Variants in CSMD2 observed in about 807,000 individuals in gnomAD.
The protein encoded by CSMD2 is CUB and sushi domain-containing protein 2.
Under a neutral mutation model 398.5 loss-of-function variants are expected in CSMD2, and 130 were observed. The observed-to-expected ratio is 0.33, with a 90% confidence interval of 0.28 to 0.38. The LOEUF is 0.38. CSMD2 is among the 10% of genes least tolerant of loss of function. The pLI, the probability that CSMD2 is intolerant of heterozygous loss-of-function variation, is 1.00. For synonymous variants in CSMD2, 1,828 were observed against 1,908.5 expected, an observed-to-expected ratio of 0.96 and a Z score of 1.10; for missense variants, 3,829 against 4,764.9, an observed-to-expected ratio of 0.80 and a Z score of 5.78.
intron 10 of CSMD2, among the ~76,000 whole-genome samples, chr1:33,810,163 A>C (rs902140418): frequency 1.3e-5 from 2 of 152,172 alleles, no homozygotes; most frequent in African/African-American, 4.8e-5. Context: ...CATACTTGTA[A>C]AATTTATAAG....
intron 1 of CSMD2, among the ~76,000 whole-genome samples, chr1:34,125,416 TGG>T: frequency 6.6e-6 from 1 of 152,312 alleles, no homozygotes. Flanking sequence ...CTCCTTCATT[TGG>T]ACGGCAGGTA....
intron 1 of CSMD2, among the ~76,000 whole-genome samples, chr1:34,091,436 T>C (rs1023382029): frequency 1.3e-5 from 2 of 152,114 alleles, no homozygotes; most frequent in Non-Finnish European, 2.9e-5. Flanking sequence ...CAGAAAGAAA[T>C]TAAGTAATGG....
At chr1:34,125,178 C>T (rs1662608507) in intron 1 of CSMD2, among the ~76,000 whole-genome samples, 1 of 152,120 alleles carries the variant, frequency 6.6e-6, no homozygotes, top group South Asian at 2.1e-4. Flanking sequence ...GTAACATCTG[C>T]ATTGGGTCTT....
chr1:33,950,423 G>GAGAGAGAGAGAGAGAGAGAGA (rs1553260577), intron 3 of CSMD2, among the ~76,000 whole-genome samples: 1 of 143,314 alleles, frequency 7.0e-6, no homozygotes, highest in African/African-American at 2.6e-5. Flanking sequence ...GAGAGAGAGA[G>GAGAGAGAGAGAGAGAGAGAGA]GAGAGTTTGT....
chr1:33,617,461 G>T, intron 38 of CSMD2, 38 bp downstream of exon 38: 1 of 1,502,422 alleles, frequency 6.7e-7, no homozygotes, highest in Non-Finnish European at 9.3e-7. Context: ...CATCTCAGGG[G>T]ACACCTGTTT....
chr1:34,045,918 AT>A (rs1174945897), intron 2 of CSMD2, among the ~76,000 whole-genome samples: 1 of 152,252 alleles, frequency 6.6e-6, no homozygotes, highest in African/African-American at 2.4e-5. Flanking sequence ...CCTGAAAAAA[AT>A]AAGTAATTTT....
chr1:34,048,587 A>T (rs1259679750), intron 2 of CSMD2, among the ~76,000 whole-genome samples: 1 of 152,200 alleles, frequency 6.6e-6, no homozygotes, highest in Non-Finnish European at 1.5e-5. Context: ...GATGCTGAAC[A>T]TGCCTGCAAG....
chr1:33,537,559 G>T lies in CSMD2; in HGVS notation c.9682C>A (p.Arg3228=). 6.2e-7 allele frequency: 1 copy of T among 1,614,150 alleles called. No individual in the cohort carries two copies. Among genetic ancestry groups the T allele is most frequent in the South Asian group, 1.1e-5 (1 of 91,082 alleles). Residue 3228 remains arginine, a synonymous_variant, in exon 61 of 71, where the codon CGA becomes AGA. Coordinates refer to ENST00000373381, the MANE Select transcript of CSMD2 (RefSeq NM_001281956.2). This position sits in a 1 kb window ranked among gnomAD's most constrained non-coding sequence, Gnocchi z 4.6. Reference sequence around the variant, plus strand: ...ACAGATGACCTGTAGGAGAAGCCTCGGTCCTCTCTCCTCCCACGGGACGGG... The same window carrying T: ...ACAGATGACCTGTAGGAGAAGCCTCTGTCCTCTCTCCTCCCACGGGACGGG... ...GVPSRGRRED[R]GFSYRSSVSF...
At chr1:33,723,090 T>C (rs1423209777) in intron 19 of CSMD2, among the ~76,000 whole-genome samples, 1 of 152,240 alleles carries the variant, frequency 6.6e-6, no homozygotes, top group African/African-American at 2.4e-5. Flanking sequence ...TTCTGGACAA[T>C]TATTCTCCAC....
At chr1:33,626,680 T>G in intron 32 of CSMD2, 99 bp from the exon 33 acceptor site, 1 of 727,162 alleles carries the variant, frequency 1.4e-6, no homozygotes, top group Non-Finnish European at 2.2e-6. Context: ...CAGTACCCCA[T>G]GCAGCAATTC....
At chr1:33,864,215 G>A (rs763838936) in intron 5 of CSMD2, 2 of 1,608,150 alleles carry the variant, frequency 1.2e-6, no homozygotes, top group South Asian at 2.2e-5. Context: ...TCCAGCTAAA[G>A]CCTAAGGCAA....
At chr1:33,945,180 T>C (rs1033078198) in intron 3 of CSMD2, among the ~76,000 whole-genome samples, 1 of 152,086 alleles carries the variant, frequency 6.6e-6, no homozygotes, top group African/African-American at 2.4e-5. Context: ...GGAAACATCA[T>C]AGGCCCCAGA....
intron 5 of CSMD2, among the ~76,000 whole-genome samples, chr1:33,895,338 A>T (rs965555031): frequency 6.6e-6 from 1 of 152,018 alleles, no homozygotes; most frequent in Non-Finnish European, 1.5e-5. Context: ...CCTGGTGGGA[A>T]TGCCTGCAGG....
chr1:33,835,686 A>C (rs1459104876), intron 6 of CSMD2, among the ~76,000 whole-genome samples: 1 of 20,994 alleles, frequency 4.8e-5, no homozygotes, highest in Non-Finnish European at 1.4e-4. Context: ...AACAAAACAA[A>C]ACAAAAAAAA....
At chr1:34,148,058 G>T (rs1367727566) in intron 1 of CSMD2, among the ~76,000 whole-genome samples, 1 of 152,166 alleles carries the variant, frequency 6.6e-6, no homozygotes, top group Non-Finnish European at 1.5e-5. Context: ...GAGAGGCACA[G>T]CATTGGGTAA....
intron 2 of CSMD2, among the ~76,000 whole-genome samples, chr1:34,043,809 G>A (rs1331265931): frequency 6.6e-6 from 1 of 152,132 alleles, no homozygotes; most frequent in Non-Finnish European, 1.5e-5. Context: ...TTTCCACCTG[G>A]GAGCCTAGAA....
chr1:33,964,063 C>T (rs1038180571), intron 3 of CSMD2, among the ~76,000 whole-genome samples: 35 of 152,280 alleles, frequency 2.3e-4, no homozygotes, highest in African/African-American at 7.5e-4. Context: ...CCTGAGGGTG[C>T]AGATTTTTAA....
rs185637797 is a variant in CSMD2 at position 33,996,102 on chromosome 1, T to C, written c.517+36492A>G. ...AAGGAAAAGAAATTCAAATGACCTA[T>C]GAAAATGGGCAAAGGATATGGACAG... On this transcript the variant is annotated intron_variant, in intron 3 of 70. Transcript: ENST00000373381. 3.9e-5 allele frequency among the ~76,000 whole-genome samples: 6 copies of C among 152,274 alleles called. No homozygotes were observed. The South Asian group carries it at 8.3e-4, about 21-fold the overall frequency.
At chr1:33,825,539 G>A (rs1241672058) in intron 7 of CSMD2, among the ~76,000 whole-genome samples, 158 bp downstream of exon 7, 1 of 152,244 alleles carries the variant, frequency 6.6e-6, no homozygotes, top group Non-Finnish European at 1.5e-5. Flanking sequence ...CTGCTCTCTG[G>A]CCGTTGGGTC....
Sources: allele counts gnomAD v4.1 joint callset (sites outside exome capture counted in the v4.1 genomes callset), GRCh38; gene constraint gnomAD v4.1.1; non-coding constraint Gnocchi (gnomAD v3.1); transcripts MANE v1.5; gene names NCBI Gene and HGNC (gene_info 2026-07-23, HGNC 2026-07-21).